CLASP1: variants seen among roughly 807,000 people sequenced by gnomAD.
The protein encoded by CLASP1 is CLIP-associating protein 1.
In CLASP1, 38 loss-of-function variants were observed where a neutral mutation model predicts 192.3. The ratio of observed to expected loss-of-function variants is 0.20; its 90% CI spans 0.15 to 0.26. The LOEUF (loss-of-function observed/expected upper bound fraction) is 0.26, where lower values mean the gene tolerates loss of function less well. Ranked by LOEUF, CLASP1 falls within the 10% of genes least tolerant of loss-of-function variation. The pLI is 1.00. For synonymous variants in CLASP1, 691 were observed against 712.8 expected (o/e 0.97, Z 0.49); for missense variants, 1,433 against 1,932.5 (o/e 0.74, Z 4.85).
intron 2 of CLASP1, among the ~76,000 whole-genome samples, chr2:121,597,721 C>A (rs538312309): frequency 1.3e-5 from 2 of 152,340 alleles, no homozygotes; most frequent in East Asian, 3.9e-4. Context: ...AAGCACCAAG[C>A]CCCTGCTAAG....
At chr2:121,549,922 C>T (rs563352261) in intron 2 of CLASP1, among the ~76,000 whole-genome samples, 182 of 145,596 alleles carry the variant, frequency 1.3e-3, no homozygotes, top group African/African-American at 4.4e-3. Context: ...AGGAGAATGG[C>T]GTGAACCTGG....
intron 2 of CLASP1, among the ~76,000 whole-genome samples, chr2:121,546,403 G>C (rs1214913804): frequency 6.6e-6 from 1 of 151,496 alleles, no homozygotes; most frequent in Non-Finnish European, 1.5e-5. Context: ...AGTAAACACA[G>C]CACCTTCAAT....
intron 22 of CLASP1, among the ~76,000 whole-genome samples, chr2:121,420,238 A>C (rs945679413): frequency 6.6e-6 from 1 of 152,206 alleles, no homozygotes; most frequent in African/African-American, 2.4e-5. Flanking sequence ...ATTTTGCCAG[A>C]GTGATGTGAA....
chr2:121,549,791 G>A (rs906229076), intron 2 of CLASP1, among the ~76,000 whole-genome samples: 1 of 150,980 alleles, frequency 6.6e-6, no homozygotes, highest in African/African-American at 2.4e-5. Flanking sequence ...AGATCATGAG[G>A]TCAGGAGATC....
intron 1 of CLASP1, among the ~76,000 whole-genome samples, chr2:121,633,637 T>C (rs568815775): frequency 1.5e-4 from 23 of 152,280 alleles, no homozygotes; most frequent in African/African-American, 5.5e-4. Context: ...GACATTACTA[T>C]AGCCAAAAGT....
At chr2:121,444,871 A>T (rs1574912408) in intron 19 of CLASP1, 1 of 1,082,510 alleles carries the variant, frequency 9.2e-7, no homozygotes, top group East Asian at 5.2e-5. Context: ...GGTACTGGGC[A>T]ACACTCGGTG....
intron 25 of CLASP1, among the ~76,000 whole-genome samples, chr2:121,404,697 C>G (rs1446390976): frequency 1.3e-5 from 2 of 152,152 alleles, no homozygotes; most frequent in Non-Finnish European, 2.9e-5. Flanking sequence ...TTTTCACAAA[C>G]TCTTATTTAA....
rs573850736 is a variant in CLASP1 at position 121,592,370 on chromosome 2, C to G, written c.195+13331G>C. ...ACTTCATCGCATTTTTATATGTTCA[C>G]AAAATTATTAGGTTGCCTTAAACAA... On this transcript the variant is annotated intron_variant, in intron 2 of 39. Coordinates refer to ENST00000263710, the Ensembl canonical transcript of CLASP1. Among the ~76,000 whole-genome samples the G allele has an allele frequency of 3.3e-5, 5 of 152,290 alleles. No individual in the cohort carries two copies. In the South Asian group the frequency reaches 1.0e-3, roughly 32 times the overall value.
chr2:121,416,842 T>A (rs2078671541), intron 23 of CLASP1, among the ~76,000 whole-genome samples: 1 of 152,208 alleles, frequency 6.6e-6, no homozygotes, highest in South Asian at 2.1e-4. Context: ...ACTCTGACGA[T>A]GATAATACCT....
At chr2:121,377,375 C>T (rs1558944779) in intron 34 of CLASP1, 124 bp downstream of exon 35, 2 of 707,052 alleles carry the variant, frequency 2.8e-6, no homozygotes, top group East Asian at 5.6e-5. Flanking sequence ...AAAAGGAAAA[C>T]ATTATTTTAA....
At chr2:121,602,647 T>C (rs760718665) in intron 2 of CLASP1, among the ~76,000 whole-genome samples, 8 of 152,026 alleles carry the variant, frequency 5.3e-5, no homozygotes, top group Non-Finnish European at 7.4e-5. Flanking sequence ...ACACAGAAAT[T>C]AATCCACATA....
At chr2:121,567,988 T>A (rs990834910) in intron 2 of CLASP1, among the ~76,000 whole-genome samples, 1 of 152,236 alleles carries the variant, frequency 6.6e-6, no homozygotes, top group Non-Finnish European at 1.5e-5. Context: ...AAGATTTTCA[T>A]GCTTTTACAT....
rs76339743 is a variant in CLASP1 at position 121,548,432 on chromosome 2, T to C, written c.196-18107A>G. On this transcript the variant is annotated intron_variant, in intron 2 of 39. Coordinates refer to ENST00000263710, the Ensembl canonical transcript of CLASP1. ...GGATTATGTAAAGAAGCCAAATCTA[T>C]GAAAAATTGGTATCCCTGAAAGGGA... Among the ~76,000 whole-genome samples the C allele has an allele frequency of 6.8e-3, 1,036 of 152,258 alleles. 9 individuals carry two copies. The highest frequency in any genetic ancestry group is 0.023 in the African/African-American group (948 of 41,542).
intron 22 of CLASP1, among the ~76,000 whole-genome samples, chr2:121,419,991 C>A (rs1444081054): frequency 6.6e-6 from 1 of 152,026 alleles, no homozygotes; most frequent in Admixed American, 6.5e-5. Context: ...TAAACCAGAA[C>A]CATAACACTC....
chr2:121,535,779 C>A (rs1407178171), intron 2 of CLASP1, among the ~76,000 whole-genome samples: 1 of 151,836 alleles, frequency 6.6e-6, no homozygotes, highest in Non-Finnish European at 1.5e-5. Flanking sequence ...AACCTGCCCC[C>A]TCCCCAGTAG....
chr2:121,413,546 G>A (rs1215000801), intron 23 of CLASP1, among the ~76,000 whole-genome samples: 2 of 152,232 alleles, frequency 1.3e-5, no homozygotes, highest in African/African-American at 2.4e-5. Context: ...ACAGAGCTGA[G>A]AGAGCAGGTT....
At chr2:121,622,723 A>G (rs2067591453) in intron 1 of CLASP1, among the ~76,000 whole-genome samples, 1 of 152,204 alleles carries the variant, frequency 6.6e-6, no homozygotes, top group African/African-American at 2.4e-5. Flanking sequence ...TAATTTCTGT[A>G]TATTGATCCC....
rs72967359 is a variant in CLASP1 at position 121,411,112 on chromosome 2, C to T, written c.2321-143G>A. ...ATTTTAACTACACTTGACTTGTTTACCAGTGGTAGAGGTTAAGCTGTTCAC... is the reference window on the plus strand; with the variant it reads ...ATTTTAACTACACTTGACTTGTTTATCAGTGGTAGAGGTTAAGCTGTTCAC... On this transcript the variant is annotated intron_variant, in intron 23 of 39. Transcript: ENST00000263710. 1.2e-4 allele frequency: 72 copies of T among 593,146 alleles called. No homozygotes were observed. In the African/African-American group the frequency reaches 1.3e-3, roughly 11 times the overall value. 36.7% of individuals were successfully genotyped at this position (593,146 alleles called of 1,614,324 possible).
At chr2:121,444,226 A>G (rs549383327) in intron 19 of CLASP1, among the ~76,000 whole-genome samples, 1 of 152,210 alleles carries the variant, frequency 6.6e-6, no homozygotes, top group African/African-American at 2.4e-5. Context: ...GGCATAAAAA[A>G]CAAAATAAAG....
Sources: gnomAD v4.1 joint callset for allele counts (sites outside exome capture counted in the v4.1 genomes callset) on GRCh38, gnomAD v4.1.1 for gene constraint, MANE v1.5 for transcripts, NCBI Gene and HGNC (gene_info 2026-07-23, HGNC 2026-07-21) for gene names.